RAD18: variants seen among roughly 807,000 people sequenced by gnomAD.
RAD18 encodes the protein E3 ubiquitin-protein ligase RAD18.
Under a neutral mutation model 60.4 loss-of-function variants are expected in RAD18, and 47 were observed. The observed-to-expected ratio is 0.78, with a 90% CI of 0.62 to 0.99. The LOEUF (loss-of-function observed/expected upper bound fraction) is 0.99, where lower values mean the gene tolerates loss of function less well. Ranked by LOEUF, RAD18 falls within the 50% of genes least tolerant of loss-of-function variation. The pLI is 0.00. For synonymous variants in RAD18, 225 were observed against 195.5 expected (o/e 1.15, Z -1.26); for missense variants, 640 against 593.3 (o/e 1.08, Z -0.82).
At chr3:8,910,673 T>C (rs1940092241) in intron 9 of RAD18, among the ~76,000 whole-genome samples, 1 of 152,086 alleles carries the variant, frequency 6.6e-6, no homozygotes, top group Non-Finnish European at 1.5e-5. Flanking sequence ...TTGTCTGGCT[T>C]GAGCCATAAA....
intron 4 of RAD18, among the ~76,000 whole-genome samples, chr3:8,946,368 T>C (rs540049072): frequency 2.9e-4 from 44 of 152,346 alleles, no homozygotes; most frequent in African/African-American, 1.1e-3. Context: ...GTACACCGTA[T>C]GATGTTCACA....
At chr3:8,922,536 A>G (rs1434183315) in intron 7 of RAD18, among the ~76,000 whole-genome samples, 3 of 152,140 alleles carry the variant, frequency 2.0e-5, no homozygotes, top group Admixed American at 6.5e-5. Context: ...TGCAGGCTTA[A>G]ATGTCCCTGT....
chr3:8,947,833 C>T (rs1940861109), intron 3 of RAD18, among the ~76,000 whole-genome samples: 1 of 152,162 alleles, frequency 6.6e-6, no homozygotes, highest in Non-Finnish European at 1.5e-5. Context: ...GACTTAAGAG[C>T]CAAATCACAA....
At chr3:8,962,629 C>T (rs1319930860) in intron 1 of RAD18, among the ~76,000 whole-genome samples, 1 of 152,224 alleles carries the variant, frequency 6.6e-6, no homozygotes, top group African/African-American at 2.4e-5. Flanking sequence ...CAGCAAAGTG[C>T]ATCTGCTCTT....
intron 11 of RAD18, among the ~76,000 whole-genome samples, chr3:8,891,202 C>T (rs1275682518): frequency 5.9e-5 from 9 of 151,950 alleles, no homozygotes; most frequent in African/African-American, 2.2e-4. Flanking sequence ...TGAAAACCCA[C>T]GAGCTAGGGA....
chr3:8,935,222 T>G (rs966875518), intron 7 of RAD18, among the ~76,000 whole-genome samples: 1 of 152,232 alleles, frequency 6.6e-6, no homozygotes, highest in Non-Finnish European at 1.5e-5. Flanking sequence ...TCCAAGTTTT[T>G]AAAAATTAGG....
At chr3:8,893,151 T>C (rs966866905) in intron 11 of RAD18, among the ~76,000 whole-genome samples, 2 of 152,220 alleles carry the variant, frequency 1.3e-5, no homozygotes, top group African/African-American at 2.4e-5. Flanking sequence ...TGCTCTATTT[T>C]AATCTTTGAT....
intron 7 of RAD18, among the ~76,000 whole-genome samples, chr3:8,920,278 C>CAAAAAAAA (rs60504682): frequency 1.0e-4 from 7 of 70,024 alleles, no homozygotes; most frequent in African/African-American, 2.2e-4. Context: ...GACTCCGTCT[C>CAAAAAAAA]AAAAAAAAAA....
intron 2 of RAD18, among the ~76,000 whole-genome samples, chr3:8,957,215 T>C (rs1243035689): frequency 6.6e-6 from 1 of 152,218 alleles, no homozygotes; most frequent in African/African-American, 2.4e-5. Context: ...ATTCATACAC[T>C]GAAGACTCGG....
intron 2 of RAD18, among the ~76,000 whole-genome samples, chr3:8,958,410 T>TA (rs1483174871): frequency 2.0e-5 from 3 of 152,242 alleles, no homozygotes; most frequent in African/African-American, 7.2e-5. Flanking sequence ...ACTAGACTCT[T>TA]AAAGAGAAGT....
intron 11 of RAD18, 112 bp from the exon 12 acceptor site, chr3:8,890,563 G>C: frequency 1.4e-6 from 1 of 708,522 alleles, no homozygotes; most frequent in Non-Finnish European, 2.3e-6. Flanking sequence ...AAGCAAACCA[G>C]TGGTTACCAG....
chr3:8,921,063 T>A (rs1559777840), intron 7 of RAD18, among the ~76,000 whole-genome samples: 1 of 152,226 alleles, frequency 6.6e-6, no homozygotes, highest in Non-Finnish European at 1.5e-5. Context: ...AAACACTATA[T>A]AACTTATTTT....
intron 5 of RAD18, among the ~76,000 whole-genome samples, chr3:8,941,249 A>T (rs1940741615): frequency 6.6e-6 from 1 of 152,238 alleles, no homozygotes; most frequent in Admixed American, 6.5e-5. Flanking sequence ...AGGCTGAACT[A>T]ATTAAAATTG....
intron 7 of RAD18, among the ~76,000 whole-genome samples, chr3:8,915,830 G>A (rs972400815): frequency 4.6e-5 from 7 of 151,978 alleles, no homozygotes; most frequent in South Asian, 2.1e-4. Flanking sequence ...TGATCCACCC[G>A]CCTCGGCCTC....
intron 4 of RAD18, among the ~76,000 whole-genome samples, chr3:8,942,640 G>A (rs1373345757): frequency 6.6e-6 from 1 of 152,138 alleles, no homozygotes; most frequent in Non-Finnish European, 1.5e-5. Context: ...TCTAGGAATG[G>A]GTACTAAAGT....
chr3:8,950,091 C>T (rs748909258), intron 2 of RAD18, among the ~76,000 whole-genome samples: 12 of 152,150 alleles, frequency 7.9e-5, no homozygotes, highest in Middle Eastern at 3.4e-3. Flanking sequence ...AGTACAGTGG[C>T]GCAATCTCGG....
At chr3:8,935,610 C>T (rs1346068096) in intron 7 of RAD18, among the ~76,000 whole-genome samples, 1 of 152,154 alleles carries the variant, frequency 6.6e-6, no homozygotes, top group Non-Finnish European at 1.5e-5. Context: ...CACTCTTCCC[C>T]ACCACATTCT....
intron 11 of RAD18, among the ~76,000 whole-genome samples, chr3:8,892,698 C>T (rs777972754): frequency 6.6e-5 from 10 of 152,144 alleles, no homozygotes; most frequent in African/African-American, 9.7e-5. Context: ...ACACTATCTT[C>T]GCATATTCCT....
chr3:8,922,863 T>C (rs1299316963), intron 7 of RAD18, among the ~76,000 whole-genome samples: 3 of 152,106 alleles, frequency 2.0e-5, no homozygotes, highest in Admixed American at 1.3e-4. Context: ...GTCCTGACTG[T>C]TAGAAGGAAA....
Sources: allele counts gnomAD v4.1 joint callset (sites outside exome capture counted in the v4.1 genomes callset), GRCh38; gene constraint gnomAD v4.1.1; transcripts MANE v1.5; gene names NCBI Gene and HGNC (gene_info 2026-07-23, HGNC 2026-07-21).